Variants in DPF3 observed in about 807,000 individuals in gnomAD.
DPF3 encodes zinc finger protein DPF3.
DPF3 carries 18 observed loss-of-function variants against 56.8 expected under a neutral mutation model. The ratio of observed to expected loss-of-function variants is 0.32; its 90% confidence interval spans 0.22 to 0.47. DPF3 has a LOEUF of 0.47. Among genes scored for constraint, DPF3 ranks in the 20% least tolerant of loss-of-function variants. The pLI, the probability that DPF3 is intolerant of heterozygous loss-of-function variation, is 1.00. For synonymous variants in DPF3, 188 were observed against 180.2 expected (o/e 1.04, Z -0.35); for missense variants, 403 against 488.8 (o/e 0.82, Z 1.65).
chr14:72,839,555 G>C (rs1268173583), intron 1 of DPF3, among the ~76,000 whole-genome samples: 2 of 152,230 alleles, frequency 1.3e-5, no homozygotes, highest in African/African-American at 4.8e-5. Context: ...GCAGGGGCCA[G>C]ATAGATGTCA....
chr14:72,775,218 T>C (rs1891700164), intron 1 of DPF3, among the ~76,000 whole-genome samples: 1 of 151,808 alleles, frequency 6.6e-6, no homozygotes, highest in Admixed American at 6.6e-5. Context: ...AGAGAACCCA[T>C]AAAATCAGGC....
At chr14:72,773,003 ATC>A (rs1891599845) in intron 1 of DPF3, among the ~76,000 whole-genome samples, 1 of 152,190 alleles carries the variant, frequency 6.6e-6, no homozygotes, top group Non-Finnish European at 1.5e-5. Context: ...ACATTATGAT[ATC>A]TTTTTGTTTT....
intron 1 of DPF3, among the ~76,000 whole-genome samples, chr14:72,807,453 C>T (rs905228616): frequency 1.3e-5 from 2 of 152,144 alleles, no homozygotes; most frequent in African/African-American, 4.8e-5. Context: ...TCCAGCATAA[C>T]TCTGATACTG....
chr14:72,729,118 C>T (rs1009793166), intron 4 of DPF3, among the ~76,000 whole-genome samples: 7 of 152,000 alleles, frequency 4.6e-5, no homozygotes, highest in Non-Finnish European at 7.4e-5. Flanking sequence ...GGTGGTGGTG[C>T]GCAACTATAA....
At chr14:72,806,119 A>T (rs1882766461) in intron 1 of DPF3, 1 of 152,208 alleles carries the variant, frequency 6.6e-6, no homozygotes, top group Non-Finnish European at 1.5e-5. Context: ...GGGCCTATCT[A>T]GCAATGTCTA....
intron 1 of DPF3, among the ~76,000 whole-genome samples, chr14:72,838,481 G>A (rs573139094): frequency 3.9e-5 from 6 of 152,226 alleles, no homozygotes; most frequent in African/African-American, 1.2e-4. Context: ...GCAACAGAGT[G>A]AGACCCTGTC....
intron 1 of DPF3, among the ~76,000 whole-genome samples, chr14:72,774,631 A>C (rs1292691490): frequency 6.6e-6 from 1 of 152,342 alleles, no homozygotes; most frequent in Middle Eastern, 3.4e-3. Flanking sequence ...CATCCAAAAA[A>C]AAACAAACAA....
intron 2 of DPF3, among the ~76,000 whole-genome samples, chr14:72,761,127 A>G (rs1382111325): frequency 6.6e-6 from 1 of 152,134 alleles, no homozygotes; most frequent in African/African-American, 2.4e-5. Context: ...ACCCACAATT[A>G]TAGTCATAAG....
chr14:72,747,794 C>T (rs1239749474), intron 3 of DPF3, among the ~76,000 whole-genome samples: 3 of 152,048 alleles, frequency 2.0e-5, no homozygotes, highest in East Asian at 1.9e-4. Context: ...ATGGGTCTCA[C>T]GAGATCTGAT....
At chr14:72,649,619 T>C (rs776666734) in intron 8 of DPF3, among the ~76,000 whole-genome samples, 1 of 127,004 alleles carries the variant, frequency 7.9e-6, no homozygotes, top group Admixed American at 1.0e-4. Flanking sequence ...TCTAAACTCT[T>C]TAAAAGATGC....
chr14:72,662,653 G>A, intron 8 of DPF3: 7 of 985,576 alleles, frequency 7.1e-6, no homozygotes, highest in Non-Finnish European at 8.4e-6. Context: ...TTGCGCTGCA[G>A]GATTTTCCAC....
At chr14:72,627,546 C>A (rs1468275873) in intron 9 of DPF3, among the ~76,000 whole-genome samples, 1 of 152,030 alleles carries the variant, frequency 6.6e-6, no homozygotes, top group African/African-American at 2.4e-5. Context: ...ACTGTTTTAT[C>A]TATAGAGGCT....
Position 72,743,374 on chromosome 14 carries a change from AGCATCACCAGGATCCTG to A in DPF3, c.301+9873_301+9889del, listed in dbSNP as rs369692590. ...CAGCTCCAGCAGGCTCCCCATAGGG[AGCATCACCAGGATCCTG>A]GCATCACCAGGATCCCCTGGGAAAT... On this transcript the variant is annotated intron_variant, in intron 3 of 10. Transcript: ENST00000556509. Among the ~76,000 whole-genome samples the A allele has an allele frequency of 6.0e-4, 92 of 152,090 alleles. 1 individual carries two copies. The highest frequency in any genetic ancestry group is 2.7e-3 in the Admixed American group (42 of 15,286).
chr14:72,714,198 G>T (rs954909309), intron 6 of DPF3, among the ~76,000 whole-genome samples: 3 of 152,224 alleles, frequency 2.0e-5, no homozygotes, highest in Non-Finnish European at 2.9e-5. Context: ...GAGGGTGGGG[G>T]CCACCCCAGC....
In DPF3 at chr14:72,753,274, C is replaced by G; in HGVS notation, c.291G>C (p.Glu97Asp). 6.2e-7 allele frequency: 1 copy of G among 1,613,646 alleles called. No individual in the cohort carries two copies. The highest frequency in any genetic ancestry group is 8.5e-7 in the Non-Finnish European group (1 of 1,179,788). ...CCAGAGGGCACTGACCAGGTTTTAT[C>G]TCCAGCAGCCGCAGTTTTGGATCTT... ...PPEDPKLRLL[E>D]IKPEVELPLK... Residue 97 changes from glutamate (E) to aspartate (D), a missense_variant, in exon 3 of 11, where the codon GAG becomes GAC. Glu to Asp is a conservative substitution (Grantham distance 45). Coordinates refer to ENST00000556509, the MANE Select transcript of DPF3 (RefSeq NM_001280542.3).
chr14:72,789,468 G>A (rs1175624316), intron 1 of DPF3, among the ~76,000 whole-genome samples: 3 of 152,052 alleles, frequency 2.0e-5, no homozygotes, highest in African/African-American at 4.8e-5. Flanking sequence ...TGACTGATTC[G>A]GACATTTTGT....
intron 9 of DPF3, among the ~76,000 whole-genome samples, chr14:72,628,998 T>C (rs550569224): frequency 3.3e-5 from 5 of 152,228 alleles, no homozygotes; most frequent in Non-Finnish European, 7.3e-5. Flanking sequence ...GTATGGGCCT[T>C]ATTTGAATCC....
At chr14:72,726,513 G>A (rs1289961711) in intron 4 of DPF3, among the ~76,000 whole-genome samples, 1 of 152,096 alleles carries the variant, frequency 6.6e-6, no homozygotes, top group African/African-American at 2.4e-5. Context: ...TCTATGCCCT[G>A]GGCCTCAGAT....
intron 7 of DPF3, among the ~76,000 whole-genome samples, chr14:72,685,721 C>T (rs967658326): frequency 6.6e-6 from 1 of 152,190 alleles, no homozygotes; most frequent in South Asian, 2.1e-4. Context: ...TGCTTAGCAC[C>T]ATGTCTGACA....
Sources: allele counts gnomAD v4.1 joint callset (sites outside exome capture counted in the v4.1 genomes callset), GRCh38; gene constraint gnomAD v4.1.1; transcripts MANE v1.5; gene names NCBI Gene and HGNC (gene_info 2026-07-23, HGNC 2026-07-21).